The following SKAP2 variants were observed in gnomAD, a reference collection of about 807,000 sequenced individuals.
The protein encoded by SKAP2 is src kinase-associated phosphoprotein 2.
Under a neutral mutation model 54.9 loss-of-function variants are expected in SKAP2, and 28 were observed. That is an observed-to-expected ratio of 0.51 (90% CI 0.38 to 0.70). The LOEUF (loss-of-function observed/expected upper bound fraction) is 0.70. Ranked by LOEUF, SKAP2 falls within the 30% of genes least tolerant of loss-of-function variation. SKAP2 has a pLI of 0.00. For missense variants in SKAP2, 356 were observed against 424.1 expected, an observed-to-expected ratio of 0.84 and a Z score of 1.41; for synonymous variants, 137 against 134.3, an observed-to-expected ratio of 1.02 and a Z score of -0.14.
At chr7:26,860,281 A>G (rs1459593316) in intron 1 of SKAP2, among the ~76,000 whole-genome samples, 1 of 152,202 alleles carries the variant, frequency 6.6e-6, no homozygotes, top group Non-Finnish European at 1.5e-5. Flanking sequence ...TTATATACTT[A>G]AAATAGGCAA....
Position 26,833,182 on chromosome 7 carries a change from C to G in SKAP2, c.307+10848G>C, listed in dbSNP as rs377698644. ...CTGTGAGGCGGGCGGATCACAAGGTCAGGGGATCGAGACCATCCTGGCTAA... is the reference window on the plus strand; with the variant it reads ...CTGTGAGGCGGGCGGATCACAAGGTGAGGGGATCGAGACCATCCTGGCTAA... On this transcript the variant is annotated intron_variant, in intron 4 of 12. Transcript: ENST00000345317. Among the ~76,000 whole-genome samples, 7 of 152,006 alleles carry G rather than the reference C, an allele frequency of 4.6e-5. No homozygotes were observed. The South Asian group carries it at 1.5e-3, about 32-fold the overall frequency.
intron 4 of SKAP2, among the ~76,000 whole-genome samples, chr7:26,757,530 A>G (rs2127969266): frequency 6.6e-6 from 1 of 152,180 alleles, no homozygotes; most frequent in African/African-American, 2.4e-5. Flanking sequence ...CCATTGGTCT[A>G]TATCTCTGTT....
chr7:26,840,398 T>G (rs575741857), intron 4 of SKAP2, among the ~76,000 whole-genome samples: 1 of 152,112 alleles, frequency 6.6e-6, no homozygotes, highest in Non-Finnish European at 1.5e-5. Flanking sequence ...TAGTGCTATA[T>G]AGTTAGAAGC....
At chr7:26,857,798 ATCAAGTGT>A (rs1785204110) in intron 1 of SKAP2, 3 of 910,236 alleles carry the variant, frequency 3.3e-6, no homozygotes, top group Non-Finnish European at 2.6e-6. Flanking sequence ...TCTTGGGCGA[ATCAAGTGT>A]TCCTCTGGCT....
chr7:26,662,574 C>T (rs1214628339), downstream of SKAP2, among the ~76,000 whole-genome samples: 1 of 152,068 alleles, frequency 6.6e-6, no homozygotes, highest in Non-Finnish European at 1.5e-5. Flanking sequence ...GTTTGAAATA[C>T]CCCTTGCACA....
chr7:26,854,642 T>C, intron 2 of SKAP2, 143 bp downstream of exon 2: 2 of 713,378 alleles, frequency 2.8e-6, no homozygotes, highest in Non-Finnish European at 4.5e-6. Flanking sequence ...TGGAAATATA[T>C]TTTTTGCCCT....
At chr7:26,848,179 CCAA>C (rs1215569672) in intron 3 of SKAP2, 2 of 152,082 alleles carry the variant, frequency 1.3e-5, no homozygotes, top group Non-Finnish European at 2.9e-5. Flanking sequence ...GAGATGTAGC[CCAA>C]CAACAACTGA....
intron 4 of SKAP2, among the ~76,000 whole-genome samples, chr7:26,836,956 C>T (rs1288721096): frequency 1.3e-5 from 2 of 152,134 alleles, no homozygotes; most frequent in African/African-American, 4.8e-5. Flanking sequence ...CAATGATAGA[C>T]TGGGTAAAGA....
chr7:26,819,077 T>C (rs2127989841), intron 4 of SKAP2, among the ~76,000 whole-genome samples: 1 of 152,294 alleles, frequency 6.6e-6, no homozygotes, highest in East Asian at 1.9e-4. Context: ...ACTGGGTATA[T>C]ACCCAAAGGC....
chr7:26,727,133 T>G (rs1329943473), intron 6 of SKAP2, 127 bp from the exon 7 acceptor site: 2 of 627,920 alleles, frequency 3.2e-6, no homozygotes. Flanking sequence ...AGTAATATAA[T>G]GCTTAGGTAA....
intron 4 of SKAP2, among the ~76,000 whole-genome samples, chr7:26,760,677 C>A (rs1010601281): frequency 6.6e-6 from 1 of 151,948 alleles, no homozygotes. Context: ...ATTTTTGGAC[C>A]CTGGTTGACT....
At chr7:26,861,232 G>GA (rs11424322) in intron 1 of SKAP2, among the ~76,000 whole-genome samples, 49,121 of 147,618 alleles carry the variant, frequency 0.33, 8,919 homozygotes, top group East Asian at 0.55. Context: ...CCTGTCTAGA[G>GA]AAAAAAAAAA....
At position 26,831,128 on chromosome 7, in the gene SKAP2, A is replaced by G. The variant is rs561308861; in HGVS notation, c.307+12902T>C. Among the ~76,000 whole-genome samples, 9 of 152,252 alleles carry G rather than the reference A, an allele frequency of 5.9e-5. No homozygotes were observed. The East Asian group carries it at 1.3e-3, about 23-fold the overall frequency. On this transcript the variant is annotated intron_variant, in intron 4 of 12. Transcript: ENST00000345317. The stretch of plus-strand genomic sequence containing the variant: ...AGTCCAAACTCATTCAAATGTTCTT[A>G]AAAGTTTGTAAATTTTTAGTCACTA...
chr7:26,720,016 A>G (rs1227438183), intron 9 of SKAP2, among the ~76,000 whole-genome samples: 2 of 151,530 alleles, frequency 1.3e-5, no homozygotes, highest in African/African-American at 4.9e-5. Context: ...AGGTCGTTTA[A>G]CAGCATCCTT....
At chr7:26,785,310 C>T (rs1783519783) in intron 4 of SKAP2, among the ~76,000 whole-genome samples, 1 of 152,056 alleles carries the variant, frequency 6.6e-6, no homozygotes, top group African/African-American at 2.4e-5. Flanking sequence ...CCTCAGCCTC[C>T]CGAGTAGCTG....
chr7:26,774,435 A>C (rs1403964414), intron 4 of SKAP2, among the ~76,000 whole-genome samples: 1 of 152,080 alleles, frequency 6.6e-6, no homozygotes, highest in South Asian at 2.1e-4. Flanking sequence ...GAGGGAAAAA[A>C]TGATCCCCGC....
chr7:26,802,986 T>A (rs2127985296), intron 4 of SKAP2, among the ~76,000 whole-genome samples: 1 of 152,252 alleles, frequency 6.6e-6, no homozygotes, highest in East Asian at 1.9e-4. Flanking sequence ...GATTAAAGAC[T>A]TAAATCTAAA....
intron 1 of SKAP2, among the ~76,000 whole-genome samples, chr7:26,858,660 G>C (rs539353194): frequency 6.6e-6 from 1 of 152,088 alleles, no homozygotes; most frequent in African/African-American, 2.4e-5. Flanking sequence ...CCTTTCCCTG[G>C]AGTCGCAAGT....
intron 4 of SKAP2, among the ~76,000 whole-genome samples, chr7:26,771,318 C>T (rs1783183710): frequency 6.6e-6 from 1 of 152,104 alleles, no homozygotes; most frequent in African/African-American, 2.4e-5. Flanking sequence ...GACTTGACAA[C>T]AAAAACAAAT....
Sources: allele counts gnomAD v4.1 joint callset (sites outside exome capture counted in the v4.1 genomes callset), GRCh38; gene constraint gnomAD v4.1.1; transcripts MANE v1.5; gene names NCBI Gene and HGNC (gene_info 2026-07-23, HGNC 2026-07-21).